Variants in CA2 observed in about 807,000 individuals in gnomAD.
CA2 encodes the protein carbonate dehydratase II.
Under a neutral mutation model 27.8 loss-of-function variants are expected in CA2, and 23 were observed. The observed-to-expected ratio is 0.83, with a 90% confidence interval of 0.59 to 1.17. The LOEUF is 1.17. Among genes scored for constraint, CA2 ranks in the 50% most tolerant of loss-of-function variants. CA2 has a pLI of 0.00. For missense variants in CA2, 300 were observed against 314.7 expected (o/e 0.95, Z 0.35); for synonymous variants, 99 against 114.9 (o/e 0.86, Z 0.88).
intron 6 of CA2, among the ~76,000 whole-genome samples, chr8:85,478,828 G>A (rs1444941489): frequency 6.6e-6 from 1 of 152,152 alleles, no homozygotes; most frequent in Non-Finnish European, 1.5e-5. Context: ...CTTGCCAATT[G>A]GTGACTTCAT....
At chr8:85,466,087 G>A (rs991424342) in intron 2 of CA2, among the ~76,000 whole-genome samples, 1 of 142,730 alleles carries the variant, frequency 7.0e-6, no homozygotes, top group African/African-American at 2.6e-5. Context: ...ACCAATTACC[G>A]TATTTATTGG....
intron 2 of CA2, among the ~76,000 whole-genome samples, chr8:85,473,041 A>T (rs200760502): frequency 7.0e-5 from 7 of 99,402 alleles, no homozygotes; most frequent in Admixed American, 2.8e-4. Flanking sequence ...AATAAATAAT[A>T]AAAAAAATTA....
chr8:85,473,319 C>T, intron 2 of CA2: 1 of 429,102 alleles, frequency 2.3e-6, no homozygotes, highest in Admixed American at 2.7e-5. Context: ...CTAAATGTTT[C>T]ACAGATTATT....
chr8:85,474,264 A>T, intron 3 of CA2, 60 bp from the exon 4 acceptor site: 1 of 1,199,942 alleles, frequency 8.3e-7, no homozygotes, highest in Non-Finnish European at 1.2e-6. Context: ...ACCATTGAAT[A>T]AAATCTGTCA....
In CA2 at chr8:85,474,464, T is replaced by C. The variant is rs199788378; in HGVS notation, c.444+48T>C. The C allele has an allele frequency of 1.0e-4, 136 of 1,299,142 alleles. No homozygotes were observed. In the African/African-American group the frequency reaches 1.7e-3, roughly 17 times the overall value. The allele number at this position is 1,299,142 out of a possible 1,614,324, so 80.5% of individuals were successfully genotyped here. On this transcript the variant is annotated intron_variant, in intron 4 of 6. Coordinates refer to ENST00000285379, the MANE Select transcript of CA2 (RefSeq NM_000067.3). ...TTTTTTCCCTATTTTTAATAAAGAATGACCAGACAGAGTATTTGTAACATA... is the reference window on the plus strand; with the variant it reads ...TTTTTTCCCTATTTTTAATAAAGAACGACCAGACAGAGTATTTGTAACATA...
intron 2 of CA2, among the ~76,000 whole-genome samples, chr8:85,468,998 G>A (rs957456554): frequency 3.9e-5 from 6 of 152,112 alleles, no homozygotes; most frequent in African/African-American, 1.4e-4. Flanking sequence ...GAGGGACTAA[G>A]TAGCAATCAC....
rs2228063 is a variant in CA2, at chr8:85,480,760, A to G, written c.754A>G (p.Asn252Asp). Residue 252 changes from asparagine (N) to aspartate (D), a missense_variant, in exon 7 of 7, where the codon AAC becomes GAC. Around this residue, in one of 3 missense-constraint regions of CA2, gnomAD observed 173 missense variants for 161.0 expected, o/e 1.07. Coordinates refer to ENST00000285379, the MANE Select transcript of CA2 (RefSeq NM_000067.3). The stretch of plus-strand genomic sequence containing the variant: ...CTGGCGCCCAGCTCAGCCACTGAAG[A>G]ACAGGCAAATCAAAGCTTCCTTCAA... Reference protein sequence around the residue: ...DNWRPAQPLKNRQIKASFK With the variant: ...DNWRPAQPLKDRQIKASFK The G allele has an allele frequency of 4.7e-3, 7,605 of 1,613,926 alleles. 338 individuals carry two copies. The African/African-American group carries it at 0.09, about 19-fold the overall frequency.
intron 2 of CA2, among the ~76,000 whole-genome samples, chr8:85,472,132 A>G (rs933229193): frequency 6.6e-6 from 1 of 152,228 alleles, no homozygotes; most frequent in Admixed American, 6.5e-5. Context: ...TATTGCTACC[A>G]TGTAAGGATA....
At chr8:85,475,973 T>C (rs551350395) in intron 5 of CA2, 113 bp downstream of exon 5, 82 of 816,554 alleles carry the variant, frequency 1.0e-4, no homozygotes, top group Non-Finnish European at 1.6e-4. Context: ...GGTGTTTGGA[T>C]GAGCAGTTAG....
chr8:85,471,039 A>G (rs6988475), intron 2 of CA2, among the ~76,000 whole-genome samples: 99,154 of 152,032 alleles, frequency 0.65, 33,359 homozygotes, highest in African/African-American at 0.8. Flanking sequence ...AGAAAATGGC[A>G]TGTAGTCATT....
intron 4 of CA2, among the ~76,000 whole-genome samples, chr8:85,475,291 C>T (rs1265929888): frequency 1.4e-5 from 1 of 73,324 alleles, no homozygotes; most frequent in Non-Finnish European, 2.5e-5. Flanking sequence ...AAAATCACTG[C>T]AGCCTAGGGG....
chr8:85,480,796 C>T lies in CA2; in HGVS notation c.*7C>T, dbSNP rs766547281. ...CAAAGCTTCCTTCAAATAAGATGGT[C>T]CCATAGTCTGTATCCAAATAATGAA... On this transcript the variant is annotated 3_prime_UTR_variant, in exon 7 of 7. Transcript: ENST00000285379. 1 of 1,613,450 alleles carries T rather than the reference C, an allele frequency of 6.2e-7. No homozygotes were observed. Among genetic ancestry groups the T allele is most frequent in the African/African-American group, 1.3e-5 (1 of 74,990 alleles).
At chr8:85,480,443 G>T (rs1416404829) in intron 6 of CA2, among the ~76,000 whole-genome samples, 10 of 88,800 alleles carry the variant, frequency 1.1e-4, no homozygotes, top group African/African-American at 4.5e-4. Flanking sequence ...GTGTGTGTGT[G>T]TGTTTTTTTT....
intron 4 of CA2, 69 bp from the exon 5 acceptor site, chr8:85,475,729 C>A: frequency 1.4e-6 from 2 of 1,404,548 alleles, no homozygotes; most frequent in South Asian, 1.2e-5. Flanking sequence ...TAGAGCTACC[C>A]AAATAAAAAT....
rs1811883624 is a variant in CA2, at chr8:85,480,986, G to A, written c.*197G>A. On this transcript the variant is annotated 3_prime_UTR_variant, in exon 7 of 7. Transcript: ENST00000285379. ...ATGCTTGACACAACTGCTGTGGCTG[G>A]TTGGTGCTTTGTTTATGGTAGTAGT... The A allele has an allele frequency of 5.0e-6, 3 of 599,334 alleles. No individual in the cohort carries two copies. The South Asian group carries it at 5.7e-5, about 11-fold the overall frequency. 37.1% of individuals were successfully genotyped at this position (599,334 alleles called of 1,614,324 possible).
intron 1 of CA2, 163 bp downstream of exon 1, chr8:85,464,278 C>G (rs1005850696): frequency 1.0e-4 from 54 of 539,860 alleles, no homozygotes; most frequent in African/African-American, 9.3e-4. Context: ...GCGCTCGCTC[C>G]GCTCGCGGCT....
intron 2 of CA2, among the ~76,000 whole-genome samples, chr8:85,469,564 T>C (rs1811684379): frequency 1.3e-5 from 2 of 152,190 alleles, no homozygotes; most frequent in South Asian, 4.1e-4. Flanking sequence ...AAAAAACTTA[T>C]TAAAAAATAA....
intron 2 of CA2, among the ~76,000 whole-genome samples, chr8:85,466,498 G>C (rs941159711): frequency 2.0e-5 from 3 of 151,860 alleles, no homozygotes; most frequent in Non-Finnish European, 2.9e-5. Flanking sequence ...ACTTGGTTTT[G>C]AAAAAAGAAT....
intron 2 of CA2, among the ~76,000 whole-genome samples, chr8:85,472,374 C>T (rs182848397): frequency 5.6e-4 from 85 of 152,054 alleles, no homozygotes; most frequent in African/African-American, 1.9e-3. Context: ...TTAATACATA[C>T]AAAGTTAGGC....
Sources: gnomAD v4.1 joint callset for allele counts (sites outside exome capture counted in the v4.1 genomes callset) on GRCh38, gnomAD v4.1.1 for gene constraint, gnomAD v4.1.1 regional missense constraint, MANE v1.5 for transcripts, NCBI Gene and HGNC (gene_info 2026-07-23, HGNC 2026-07-21) for gene names.